The following SRGAP2C variants were observed in gnomAD, a reference collection of about 807,000 sequenced individuals.
SRGAP2C encodes the protein SLIT-ROBO Rho GTPase-activating protein 2C.
SRGAP2C carries 15 observed loss-of-function variants against 25.1 expected under a neutral mutation model. The observed-to-expected ratio is 0.60, with a 90% CI of 0.40 to 0.92. The LOEUF (loss-of-function observed/expected upper bound fraction) is 0.92, where lower values mean the gene tolerates loss of function less well. Among genes scored for constraint, SRGAP2C ranks in the 40% least tolerant of loss-of-function variants. The pLI, the probability that SRGAP2C is intolerant of heterozygous loss-of-function variation, is 0.00. For missense variants in SRGAP2C, 144 were observed against 264.4 expected (o/e 0.54, Z 3.16); for synonymous variants, 44 against 96.6 (o/e 0.46, Z 3.19).
chr1:121,271,095 C>G (rs1284947016), intron 2 of SRGAP2C, among the ~76,000 whole-genome samples: 1 of 151,396 alleles, frequency 6.6e-6, no homozygotes, highest in African/African-American at 2.4e-5. Flanking sequence ...CCGCGCCCAG[C>G]TGGACTGTTT....
chr1:121,355,485 CT>C (rs1308428489), intron 4 of SRGAP2C, among the ~76,000 whole-genome samples: 3 of 91,682 alleles, frequency 3.3e-5, no homozygotes, highest in Non-Finnish European at 2.2e-5. Flanking sequence ...GCCCGGCTAA[CT>C]TTTTTTTTGT....
At chr1:121,294,850 A>G (rs1385286378) in intron 3 of SRGAP2C, among the ~76,000 whole-genome samples, 7 of 137,732 alleles carry the variant, frequency 5.1e-5, no homozygotes, top group African/African-American at 1.9e-4. Context: ...TGACTATTTT[A>G]GAGGTTTTGT....
intron 2 of SRGAP2C, among the ~76,000 whole-genome samples, chr1:121,188,165 T>C (rs1160600784): frequency 6.6e-6 from 1 of 152,190 alleles, no homozygotes; most frequent in African/African-American, 2.4e-5. Context: ...TGGGAGGATG[T>C]TAGGGTAGCT....
At chr1:121,201,371 T>C (rs1654971176) in intron 2 of SRGAP2C, among the ~76,000 whole-genome samples, 1 of 146,072 alleles carries the variant, frequency 6.8e-6, no homozygotes, top group Admixed American at 6.9e-5. Context: ...GCTGGTTACT[T>C]CTTTCTAAGA....
Position 121,262,487 on chromosome 1 carries a change from G to A in SRGAP2C, c.68-22316G>A, listed in dbSNP as rs1454561030. Among the ~76,000 whole-genome samples, 4 of 76,740 alleles carry A rather than the reference G, an allele frequency of 5.2e-5. 1 individual carries two copies. Among genetic ancestry groups the A allele is most frequent in the Admixed American group, 5.1e-4 (4 of 7,864 alleles). 50.3% of individuals were successfully genotyped at this position (76,740 alleles called of 152,430 possible). On this transcript the variant is annotated intron_variant, in intron 2 of 9. Coordinates refer to ENST00000367123, the MANE Select transcript of SRGAP2C (RefSeq NM_001329984.2). Reference sequence around the variant, plus strand: ...TTAGCTGACCCAGGATCTACACATAGTTAACTCTGAGGCTTTGTTGGAATC... The same window carrying A: ...TTAGCTGACCCAGGATCTACACATAATTAACTCTGAGGCTTTGTTGGAATC...
intron 3 of SRGAP2C, among the ~76,000 whole-genome samples, chr1:121,309,618 C>CTGTGTCCATGTGATCTCAT (rs1657934876): frequency 6.7e-6 from 1 of 150,148 alleles, no homozygotes; most frequent in South Asian, 2.1e-4. Context: ...ATTCCCCTTC[C>CTGTGTCCATGTGATCTCAT]TGTGTCCATG....
chr1:121,385,130 G>T (rs1659930975), intron 8 of SRGAP2C, among the ~76,000 whole-genome samples: 1 of 149,596 alleles, frequency 6.7e-6, no homozygotes, highest in South Asian at 2.2e-4. Context: ...ACAGGAGGGA[G>T]CTGCCTGGAA....
At chr1:121,373,012 C>T (rs1306498057) in intron 5 of SRGAP2C, among the ~76,000 whole-genome samples, 1 of 86,842 alleles carries the variant, frequency 1.2e-5, no homozygotes, top group Non-Finnish European at 2.3e-5. Context: ...CAGAAAGTTC[C>T]CACAGAGTAG....
chr1:121,306,146 C>T (rs1657831841), intron 3 of SRGAP2C, among the ~76,000 whole-genome samples: 1 of 151,698 alleles, frequency 6.6e-6, no homozygotes, highest in Non-Finnish European at 1.5e-5. Flanking sequence ...AATTCACCAG[C>T]TTGCAAATAA....
intron 2 of SRGAP2C, among the ~76,000 whole-genome samples, chr1:121,270,105 T>C (rs1265046392): frequency 1.1e-4 from 16 of 141,810 alleles, no homozygotes; most frequent in African/African-American, 3.9e-4. Context: ...ATCTACTGGG[T>C]GCAAGATTTC....
intron 2 of SRGAP2C, among the ~76,000 whole-genome samples, chr1:121,283,106 A>G: frequency 6.6e-6 from 1 of 151,686 alleles, no homozygotes; most frequent in Middle Eastern, 3.4e-3. Flanking sequence ...CCTTGTAATC[A>G]GACTCTGTAA....
chr1:121,359,918 TAAATGCACCAATCAGCACTCTGTAA>T (rs1553348253), intron 4 of SRGAP2C, among the ~76,000 whole-genome samples: 2 of 152,154 alleles, frequency 1.3e-5, no homozygotes, highest in Admixed American at 6.5e-5. Flanking sequence ...TAGAGGATTG[TAAATGCACCAATCAGCACTCTGTAA>T]AAATGCACCA....
At chr1:121,243,782 GTTTT>G (rs57068907) in intron 2 of SRGAP2C, among the ~76,000 whole-genome samples, 10 of 96,986 alleles carry the variant, frequency 1.0e-4, no homozygotes, top group African/African-American at 3.2e-4. Context: ...CAGTGTTTTT[GTTTT>G]TTTTTTTTTT....
At chr1:121,383,296 G>A (rs1469383816) in intron 8 of SRGAP2C, among the ~76,000 whole-genome samples, 1 of 147,298 alleles carries the variant, frequency 6.8e-6, no homozygotes, top group East Asian at 2.2e-4. Context: ...ATGGTGAAAG[G>A]AAAGTGAGGG....
chr1:121,300,213 C>G (rs1482777660), intron 3 of SRGAP2C, among the ~76,000 whole-genome samples: 2 of 89,854 alleles, frequency 2.2e-5, no homozygotes, highest in African/African-American at 9.0e-5. Flanking sequence ...TGGGTAATTT[C>G]TACAGAAAAA....
chr1:121,262,966 A>C (rs1353059392), intron 2 of SRGAP2C, among the ~76,000 whole-genome samples: 1 of 151,476 alleles, frequency 6.6e-6, no homozygotes, highest in South Asian at 2.1e-4. Context: ...TCAAGTTGAC[A>C]TAATACACAC....
chr1:121,351,631 A>AAATC (rs1658910474), intron 4 of SRGAP2C, among the ~76,000 whole-genome samples: 1 of 145,368 alleles, frequency 6.9e-6, no homozygotes, highest in Admixed American at 6.8e-5. Flanking sequence ...ATAAATAAAT[A>AAATC]AATAAATAAA....
chr1:121,335,460 ATT>A (rs1162681731), intron 4 of SRGAP2C, among the ~76,000 whole-genome samples: 82 of 95,076 alleles, frequency 8.6e-4, no homozygotes, highest in Middle Eastern at 9.8e-3. Context: ...TTTATTTCAG[ATT>A]TTTTTTTTTT....
chr1:121,339,088 A>G (rs1658589399), intron 4 of SRGAP2C, among the ~76,000 whole-genome samples: 2 of 151,662 alleles, frequency 1.3e-5, no homozygotes, highest in Non-Finnish European at 2.9e-5. Context: ...GTTACATTAT[A>G]TATTAAGCTT....
Sources: gnomAD v4.1 joint callset for allele counts (sites outside exome capture counted in the v4.1 genomes callset) on GRCh38, gnomAD v4.1.1 for gene constraint, MANE v1.5 for transcripts, NCBI Gene and HGNC (gene_info 2026-07-23, HGNC 2026-07-21) for gene names.